The following DISP1 variants were observed in gnomAD, a reference collection of about 807,000 sequenced individuals.
DISP1 encodes dispatched RND transporter family member 1.
In DISP1, 30 loss-of-function variants were observed where a neutral mutation model predicts 37.3. That is an observed-to-expected ratio of 0.80 (90% CI 0.60 to 1.09). DISP1 has a LOEUF of 1.09. Ranked by LOEUF, DISP1 falls within the 50% of genes least tolerant of loss-of-function variation. DISP1 has a pLI of 0.00. For synonymous variants in DISP1, 634 were observed against 690.2 expected (o/e 0.92, Z 1.28); for missense variants, 1,598 against 1,879.5 (o/e 0.85, Z 2.77).
intron 1 of DISP1, among the ~76,000 whole-genome samples, chr1:222,830,791 A>G (rs1464626994): frequency 6.6e-6 from 1 of 152,230 alleles, no homozygotes; most frequent in Non-Finnish European, 1.5e-5. Flanking sequence ...AGCGAGGCTG[A>G]TAGGCCATTC....
intron 3 of DISP1, among the ~76,000 whole-genome samples, chr1:222,963,566 C>T (rs1266797981): frequency 6.6e-6 from 1 of 152,122 alleles, no homozygotes; most frequent in East Asian, 1.9e-4. Flanking sequence ...ACATATACAC[C>T]ATGGAATACT....
In DISP1 at chr1:223,003,816, A is replaced by T. The variant is rs1679668857; in HGVS notation, c.2419A>T (p.Lys807Ter). The change falls in exon 9 of 9, where the codon AAA becomes TAA. Residue 807 changes from lysine (K) to a stop codon, truncating the protein, a stop_gained. Transcript: ENST00000675850. LOFTEE classifies it low-confidence loss of function (END_TRUNC). This position sits in a 1 kb window ranked among gnomAD's most constrained non-coding sequence, Gnocchi z 4.3. ...DNGNPLNPKS[K>*]GKLTLDSSFN... ...TGGCAACCCACTAAATCCCAAGAGT[A>T]AAGGGAAGTTGACATTAGATAGCAG... 1.2e-6 allele frequency: 2 copies of T among 1,614,214 alleles called. No individual in the cohort carries two copies. The highest frequency in any genetic ancestry group is 1.7e-6 in the Non-Finnish European group (2 of 1,180,030).
chr1:222,926,660 C>G (rs1234302537), intron 1 of DISP1, among the ~76,000 whole-genome samples: 1 of 152,134 alleles, frequency 6.6e-6, no homozygotes, highest in East Asian at 1.9e-4. Flanking sequence ...CGCCATAACT[C>G]ATGCCTGAAC....
intron 1 of DISP1, among the ~76,000 whole-genome samples, chr1:222,821,153 A>G (rs1168396787): frequency 6.6e-6 from 1 of 152,104 alleles, no homozygotes; most frequent in Non-Finnish European, 1.5e-5. Context: ...GCTGTATTTC[A>G]TTGCAGATTC....
chr1:222,941,792 G>A (rs1674402681), intron 2 of DISP1, among the ~76,000 whole-genome samples: 1 of 152,166 alleles, frequency 6.6e-6, no homozygotes, highest in Non-Finnish European at 1.5e-5. Flanking sequence ...TCCTGCACAA[G>A]CCGTTTTGTC....
At chr1:222,881,452 T>C (rs1327967197) in intron 1 of DISP1, among the ~76,000 whole-genome samples, 1 of 152,212 alleles carries the variant, frequency 6.6e-6, no homozygotes, top group Admixed American at 6.5e-5. Context: ...CGCTTCGGCC[T>C]CCCAAAGTGC....
At chr1:222,945,411 T>G (rs1301135968) in intron 3 of DISP1, among the ~76,000 whole-genome samples, 1 of 152,238 alleles carries the variant, frequency 6.6e-6, no homozygotes, top group African/African-American at 2.4e-5. Context: ...TATTGATGTT[T>G]CAAATAATAA....
At chr1:222,933,312 CCT>C (rs1673517561) in intron 2 of DISP1, among the ~76,000 whole-genome samples, 1 of 151,792 alleles carries the variant, frequency 6.6e-6, no homozygotes, top group African/African-American at 2.4e-5. Flanking sequence ...TATCTTAGTT[CCT>C]CTGTCAATAT....
At chr1:222,853,003 A>G (rs1457797750) in intron 1 of DISP1, among the ~76,000 whole-genome samples, 1 of 152,242 alleles carries the variant, frequency 6.6e-6, no homozygotes, top group African/African-American at 2.4e-5. Flanking sequence ...AGTAAGTGCA[A>G]TGAAGAATGG....
chr1:222,857,331 T>C (rs759938024), intron 1 of DISP1, among the ~76,000 whole-genome samples: 12 of 152,076 alleles, frequency 7.9e-5, no homozygotes, highest in East Asian at 5.8e-4. Flanking sequence ...GACTTTGGAA[T>C]TGGACAAAAG....
intron 1 of DISP1, among the ~76,000 whole-genome samples, chr1:222,827,036 G>A (rs1664622994): frequency 6.6e-6 from 1 of 152,116 alleles, no homozygotes; most frequent in African/African-American, 2.4e-5. Context: ...TTTAGTTTTA[G>A]TGGTTGTCAG....
chr1:222,946,901 G>A (rs181172426), intron 3 of DISP1, among the ~76,000 whole-genome samples: 1 of 152,272 alleles, frequency 6.6e-6, no homozygotes, highest in East Asian at 1.9e-4. Context: ...GGTATACTAG[G>A]ACTAAATCCT....
At chr1:222,856,044 TG>T (rs1668531582) in intron 1 of DISP1, among the ~76,000 whole-genome samples, 1 of 152,212 alleles carries the variant, frequency 6.6e-6, no homozygotes, top group East Asian at 1.9e-4. Flanking sequence ...CTCCAGGGTG[TG>T]AATATTTTGA....
chr1:222,953,936 C>T (rs1178022162), intron 3 of DISP1, among the ~76,000 whole-genome samples: 1 of 152,006 alleles, frequency 6.6e-6, no homozygotes, highest in Non-Finnish European at 1.5e-5. Context: ...GAAAACAATG[C>T]CTTCTTTATT....
intron 1 of DISP1, among the ~76,000 whole-genome samples, chr1:222,926,280 T>C (rs1558333053): frequency 6.6e-6 from 1 of 152,246 alleles, no homozygotes; most frequent in Non-Finnish European, 1.5e-5. Flanking sequence ...TGAATAATAT[T>C]CCATTGTATA....
chr1:222,833,262 C>T lies in DISP1; in HGVS notation c.-159+18184C>T, dbSNP rs576063601. Among the ~76,000 whole-genome samples the T allele has an allele frequency of 1.0e-3, 158 of 151,294 alleles. 3 individuals are homozygous for T. The highest frequency in any genetic ancestry group is 3.7e-3 in the African/African-American group (151 of 40,618). ...AAGTGATAAGAGTTGAGATAAGTCACAAATATAACCTCACAGGAGTTCATA... is the reference window on the plus strand; with the variant it reads ...AAGTGATAAGAGTTGAGATAAGTCATAAATATAACCTCACAGGAGTTCATA... On this transcript the variant is annotated intron_variant, in intron 1 of 8. Coordinates refer to ENST00000675850, the MANE Select transcript of DISP1 (RefSeq NM_001377229.1).
intron 3 of DISP1, among the ~76,000 whole-genome samples, chr1:222,977,513 A>AT (rs2102673946): frequency 7.8e-6 from 1 of 127,652 alleles, no homozygotes; most frequent in South Asian, 2.6e-4. Context: ...CATCATTGTC[A>AT]TTTTCTTTTT....
intron 1 of DISP1, among the ~76,000 whole-genome samples, chr1:222,871,184 G>A (rs942304629): frequency 6.6e-6 from 1 of 152,124 alleles, no homozygotes; most frequent in Non-Finnish European, 1.5e-5. Flanking sequence ...TACTATTTTG[G>A]TTACTGTAGC....
intron 4 of DISP1, among the ~76,000 whole-genome samples, chr1:222,985,696 T>C (rs79488905): frequency 2.4e-4 from 36 of 152,184 alleles, no homozygotes; most frequent in Non-Finnish European, 4.6e-4. Flanking sequence ...TTTTTTAACC[T>C]GTCTTGTAGA....
Sources: gnomAD v4.1 joint callset for allele counts (sites outside exome capture counted in the v4.1 genomes callset) on GRCh38, gnomAD v4.1.1 for gene constraint, Gnocchi (gnomAD v3.1) non-coding constraint, MANE v1.5 for transcripts, NCBI Gene and HGNC (gene_info 2026-07-23, HGNC 2026-07-21) for gene names.